The following PDE10A variants were observed in gnomAD, a reference collection of about 807,000 sequenced individuals.
PDE10A encodes the protein phosphodiesterase 10A.
A neutral mutation model predicts 97.7 loss-of-function variants in PDE10A; 39 were observed. The ratio of observed to expected loss-of-function variants is 0.40; its 90% CI spans 0.31 to 0.52. PDE10A has a LOEUF of 0.52. Among genes scored for constraint, PDE10A ranks in the 20% least tolerant of loss-of-function variants. PDE10A has a pLI of 0.56. For synonymous variants in PDE10A, 371 were observed against 376.8 expected (o/e 0.98, Z 0.18); for missense variants, 731 against 1,047.8 (o/e 0.70, Z 4.17).
At chr6:165,581,407 T>C (rs2128355368) in intron 1 of PDE10A, among the ~76,000 whole-genome samples, 1 of 152,316 alleles carries the variant, frequency 6.6e-6, no homozygotes, top group Admixed American at 6.5e-5. Context: ...AGAGAGAGAT[T>C]CATGCCCTTA....
At chr6:165,845,359 A>G (rs1437188298) in intron 1 of PDE10A, among the ~76,000 whole-genome samples, 1 of 152,244 alleles carries the variant, frequency 6.6e-6, no homozygotes, top group Non-Finnish European at 1.5e-5. Flanking sequence ...AAAAAATAGC[A>G]TCCTTACATG....
chr6:165,896,510 C>T (rs1781952367), intron 1 of PDE10A, among the ~76,000 whole-genome samples: 1 of 146,922 alleles, frequency 6.8e-6, no homozygotes, highest in Non-Finnish European at 1.5e-5. Context: ...CCCACCACAA[C>T]ACGCCAGCTA....
At chr6:165,429,289 T>C (rs1412810118) in intron 9 of PDE10A, among the ~76,000 whole-genome samples, 2 of 152,018 alleles carry the variant, frequency 1.3e-5, no homozygotes, top group Non-Finnish European at 2.9e-5. Context: ...ATAGTGCATA[T>C]ACTAAAATGT....
intron 1 of PDE10A, among the ~76,000 whole-genome samples, chr6:165,651,647 T>C (rs1319197362): frequency 6.6e-6 from 1 of 152,218 alleles, no homozygotes; most frequent in Non-Finnish European, 1.5e-5. Context: ...GATTAACTTA[T>C]CAATCTTTTC....
chr6:165,964,381 TA>T (rs1476908330), intron 1 of PDE10A, among the ~76,000 whole-genome samples: 2 of 152,240 alleles, frequency 1.3e-5, no homozygotes, highest in Admixed American at 6.5e-5. Flanking sequence ...TCATAGGACT[TA>T]TTTTTTTTAT....
At chr6:165,822,602 T>C (rs1226944445) in intron 1 of PDE10A, among the ~76,000 whole-genome samples, 1 of 146,066 alleles carries the variant, frequency 6.8e-6, no homozygotes, top group Non-Finnish European at 1.5e-5. Context: ...ATAGTAAAAA[T>C]AGGGTATAAG....
At chr6:165,746,070 G>T (rs1027348625) in intron 1 of PDE10A, among the ~76,000 whole-genome samples, 11 of 152,190 alleles carry the variant, frequency 7.2e-5, no homozygotes, top group Non-Finnish European at 1.3e-4. Context: ...ATACACATAT[G>T]TGTGCATTTT....
chr6:165,692,381 T>C (rs549382254), intron 1 of PDE10A, among the ~76,000 whole-genome samples: 1 of 152,342 alleles, frequency 6.6e-6, no homozygotes, highest in African/African-American at 2.4e-5. Flanking sequence ...TTCCCACGTC[T>C]TCAGCATCAC....
chr6:165,746,632 AG>A (rs1305089756), intron 1 of PDE10A, among the ~76,000 whole-genome samples: 1 of 152,200 alleles, frequency 6.6e-6, no homozygotes, highest in Non-Finnish European at 1.5e-5. Context: ...GTGCACGCGC[AG>A]GGAAGAGCAG....
chr6:165,383,492 G>C (rs1785061800), intron 17 of PDE10A, among the ~76,000 whole-genome samples: 1 of 152,096 alleles, frequency 6.6e-6, no homozygotes, highest in South Asian at 2.1e-4. Flanking sequence ...CCCCTGCTCA[G>C]TGTCTCAGTT....
chr6:165,982,052 T>C (rs1785036447), intron 1 of PDE10A, among the ~76,000 whole-genome samples: 1 of 152,216 alleles, frequency 6.6e-6, no homozygotes, highest in African/African-American at 2.4e-5. Context: ...TAACTACCCA[T>C]TATTAATACA....
intron 1 of PDE10A, among the ~76,000 whole-genome samples, chr6:165,968,503 C>G (rs1024395842): frequency 6.6e-6 from 1 of 152,140 alleles, no homozygotes; most frequent in Non-Finnish European, 1.5e-5. Flanking sequence ...CGCTAATTTT[C>G]TTTTGACCAA....
At chr6:165,817,222 T>C (rs914654252) in intron 1 of PDE10A, among the ~76,000 whole-genome samples, 1 of 152,102 alleles carries the variant, frequency 6.6e-6, no homozygotes, top group African/African-American at 2.4e-5. Flanking sequence ...TCAGGATTAC[T>C]AGTAGCTCTG....
chr6:165,726,748 G>A (rs997371314), intron 1 of PDE10A, among the ~76,000 whole-genome samples: 3 of 152,352 alleles, frequency 2.0e-5, no homozygotes, highest in South Asian at 4.1e-4. Context: ...TGCGGGCACC[G>A]GGAAGACAGG....
chr6:165,788,559 A>C (rs73261261), intron 1 of PDE10A, among the ~76,000 whole-genome samples: 5,967 of 150,396 alleles, frequency 0.04, 350 homozygotes, highest in African/African-American at 0.14. Context: ...AGAAAAAGAA[A>C]AAAAAAAGAG....
intron 1 of PDE10A, among the ~76,000 whole-genome samples, chr6:165,572,984 C>T (rs554934679): frequency 2.6e-5 from 4 of 152,282 alleles, no homozygotes; most frequent in African/African-American, 9.6e-5. Context: ...GATGACAATG[C>T]AAAACTTGCT....
At chr6:165,692,940 T>C (rs1466840000) in intron 1 of PDE10A, among the ~76,000 whole-genome samples, 1 of 152,192 alleles carries the variant, frequency 6.6e-6, no homozygotes, top group Non-Finnish European at 1.5e-5. Context: ...TCCTACATCA[T>C]TTTTAGATTT....
chr6:165,815,309 C>A (rs557598697), intron 1 of PDE10A, among the ~76,000 whole-genome samples: 2 of 152,252 alleles, frequency 1.3e-5, no homozygotes, highest in South Asian at 4.1e-4. Flanking sequence ...GAGGGGCAGG[C>A]ATTTTAACTG....
chr6:165,542,384 G>A (rs1057088634), intron 2 of PDE10A, among the ~76,000 whole-genome samples: 2 of 152,046 alleles, frequency 1.3e-5, no homozygotes, highest in African/African-American at 4.8e-5. Flanking sequence ...TGAGCCTCTA[G>A]TTCTTTATTC....
Sources: allele counts gnomAD v4.1 joint callset (sites outside exome capture counted in the v4.1 genomes callset), GRCh38; gene constraint gnomAD v4.1.1; transcripts MANE v1.5; gene names NCBI Gene and HGNC (gene_info 2026-07-23, HGNC 2026-07-21).